The following IGFL4 variants were observed in gnomAD, a reference collection of about 807,000 sequenced individuals.
IGFL4 encodes the protein insulin growth factor-like family member 4.
In IGFL4, 12 loss-of-function variants were observed where a neutral mutation model predicts 15.4. That is an observed-to-expected ratio of 0.78 (90% CI 0.50 to 1.26). The LOEUF is 1.26. IGFL4 is among the 50% of genes most tolerant of loss of function. The pLI is 0.00. For missense variants in IGFL4, 126 were observed against 147.8 expected (o/e 0.85, Z 0.76); for synonymous variants, 54 against 55.9 (o/e 0.97, Z 0.16).
intron 1 of IGFL4, among the ~76,000 whole-genome samples, chr19:46,065,351 C>T (rs1277853589): frequency 6.6e-6 from 1 of 151,706 alleles, no homozygotes; most frequent in East Asian, 1.9e-4. Flanking sequence ...GAGAGGGAGT[C>T]TCGCTCTGTC....
intron 2 of IGFL4, among the ~76,000 whole-genome samples, chr19:46,054,316 C>T (rs56333177): frequency 6.6e-6 from 1 of 152,110 alleles, no homozygotes; most frequent in African/African-American, 2.4e-5. Flanking sequence ...TTTCATTGTT[C>T]TACATATGGA....
intron 1 of IGFL4, among the ~76,000 whole-genome samples, chr19:46,070,645 AAGG>A (rs947139864): frequency 2.5e-4 from 38 of 150,812 alleles, no homozygotes; most frequent in African/African-American, 8.9e-4. Flanking sequence ...CAGATATTTA[AAGG>A]AGAAGCACCC....
chr19:46,048,634 G>A (rs777131593), intron 2 of IGFL4, among the ~76,000 whole-genome samples: 2 of 152,108 alleles, frequency 1.3e-5, no homozygotes, highest in Non-Finnish European at 2.9e-5. Context: ...CAGGCAAGCA[G>A]AGAGCCAAAT....
chr19:46,067,809 C>G (rs1218811247), intron 1 of IGFL4, among the ~76,000 whole-genome samples: 1 of 152,140 alleles, frequency 6.6e-6, no homozygotes, highest in African/African-American at 2.4e-5. Flanking sequence ...GTCAGCCAGC[C>G]CCCAGGTGTG....
intron 2 of IGFL4, among the ~76,000 whole-genome samples, chr19:46,050,554 A>G (rs1388028797): frequency 6.6e-6 from 1 of 152,238 alleles, no homozygotes; most frequent in Non-Finnish European, 1.5e-5. Context: ...GAATCAAACA[A>G]GTAGAAGAAA....
intron 1 of IGFL4, among the ~76,000 whole-genome samples, chr19:46,064,930 C>T (rs978695533): frequency 6.6e-6 from 1 of 152,188 alleles, no homozygotes; most frequent in African/African-American, 2.4e-5. Context: ...GTTCCCTTTT[C>T]TCCACATCCC....
intron 1 of IGFL4, among the ~76,000 whole-genome samples, chr19:46,076,081 G>C (rs756169366): frequency 1.3e-5 from 2 of 152,202 alleles, no homozygotes; most frequent in Non-Finnish European, 2.9e-5. Flanking sequence ...CTGCTTCAAA[G>C]ATGACATCTT....
chr19:46,057,852 C>T (rs1175057366), intron 2 of IGFL4: 1 of 152,122 alleles, frequency 6.6e-6, no homozygotes, highest in African/African-American at 2.4e-5. Flanking sequence ...GATTTATTCA[C>T]TACCATGAGA....
At chr19:46,058,093 A>G (rs1969410046) in intron 2 of IGFL4, 2 of 152,180 alleles carry the variant, frequency 1.3e-5, no homozygotes, top group African/African-American at 2.4e-5. Context: ...CATAAACTTA[A>G]AAGTCCATAG....
chr19:46,068,986 C>A (rs1026381764), intron 1 of IGFL4, among the ~76,000 whole-genome samples: 2 of 152,172 alleles, frequency 1.3e-5, no homozygotes, highest in Non-Finnish European at 2.9e-5. Context: ...TGTTTCCCCT[C>A]GGTCCTCTGA....
At chr19:46,050,303 A>C (rs945255153) in intron 2 of IGFL4, among the ~76,000 whole-genome samples, 2 of 152,236 alleles carry the variant, frequency 1.3e-5, no homozygotes, top group Admixed American at 1.3e-4. Context: ...CCAGCAATGG[A>C]TCCAAACCAA....
intron 2 of IGFL4, chr19:46,057,986 A>G (rs1002412250): frequency 3.3e-5 from 5 of 152,176 alleles, no homozygotes; most frequent in African/African-American, 1.2e-4. Flanking sequence ...GCCAAACCAT[A>G]TCATTCTGCC....
In IGFL4 at chr19:46,039,719, T is replaced by C. The variant is rs567092839; in HGVS notation, c.*173A>G. On this transcript the variant is annotated 3_prime_UTR_variant, in exon 4 of 4. Transcript: ENST00000377697. ...GTCTGTTGTTGGTGTATAAGAATGCTTGTGATTTTTGTACATTGATTTTGT... is the reference window on the plus strand; with the variant it reads ...GTCTGTTGTTGGTGTATAAGAATGCCTGTGATTTTTGTACATTGATTTTGT... 8.3e-5 allele frequency: 48 copies of C among 575,624 alleles called. No individual in the cohort carries two copies. The highest frequency in any genetic ancestry group is 7.5e-4 in the African/African-American group (40 of 53,382). 35.7% of individuals were successfully genotyped at this position (575,624 alleles called of 1,614,324 possible). A position where few individuals can be genotyped will look rare whatever the true frequency, so the allele number is the denominator to read the frequency against.
chr19:46,040,821 G>T lies in IGFL4; in HGVS notation c.19+123C>A. The T allele has an allele frequency of 9.9e-7, 1 of 1,005,698 alleles. No homozygotes were observed. The highest frequency in any genetic ancestry group is 1.5e-6 in the Non-Finnish European group (1 of 654,154). 62.3% of individuals were successfully genotyped at this position (1,005,698 alleles called of 1,614,324 possible). A position where few individuals can be genotyped will look rare whatever the true frequency, so the allele number is the denominator to read the frequency against. ...CAATGCAGTCACAGATGACATAGCA[G>T]TGATTATGAGGTGGGACACCAATAA... On this transcript the variant is annotated intron_variant, in intron 1 of 3. Coordinates refer to ENST00000377697, the MANE Select transcript of IGFL4 (RefSeq NM_001002923.3). The surrounding 1 kb of genome is among the most constrained non-coding windows in gnomAD (Gnocchi z 4.1).
chr19:46,060,346 A>G (rs1969433416), intron 1 of IGFL4: 1 of 152,170 alleles, frequency 6.6e-6, no homozygotes, highest in South Asian at 2.1e-4. Context: ...GCCGAAAAAG[A>G]TCACCTCAGT....
chr19:46,046,535 T>C (rs1014815054), intron 2 of IGFL4, among the ~76,000 whole-genome samples: 1 of 152,102 alleles, frequency 6.6e-6, no homozygotes, highest in African/African-American at 2.4e-5. Flanking sequence ...GGGACACACA[T>C]AGGCTCAAAA....
chr19:46,060,147 T>C (rs1969431114), intron 2 of IGFL4: 1 of 152,244 alleles, frequency 6.6e-6, no homozygotes, highest in South Asian at 2.1e-4. Context: ...ATTGTACTTA[T>C]GCAAATAACT....
chr19:46,043,582 C>A (rs138514916), upstream of IGFL4, among the ~76,000 whole-genome samples: 1,630 of 152,188 alleles, frequency 0.011, 17 homozygotes, highest in Middle Eastern at 0.017. Flanking sequence ...ATAGTATTGG[C>A]AAGTGGAGAG....
upstream of IGFL4, chr19:46,041,221 A>C (rs1316606177): frequency 2.3e-6 from 1 of 437,912 alleles, no homozygotes; most frequent in Non-Finnish European, 4.0e-6. Context: ...AAGGCTACCC[A>C]GGAACCTATC....
Sources: gnomAD v4.1 joint callset for allele counts (sites outside exome capture counted in the v4.1 genomes callset) on GRCh38, gnomAD v4.1.1 for gene constraint, Gnocchi (gnomAD v3.1) non-coding constraint, MANE v1.5 for transcripts, NCBI Gene and HGNC (gene_info 2026-07-23, HGNC 2026-07-21) for gene names.